Variants in FRAS1 observed in about 807,000 individuals in gnomAD.
The protein encoded by FRAS1 is extracellular matrix organizing protein FRAS1.
FRAS1 carries 290 observed loss-of-function variants against 435.2 expected under a neutral mutation model. That is an observed-to-expected ratio of 0.67 (90% confidence interval 0.61 to 0.73). FRAS1 has a LOEUF of 0.73. Ranked by LOEUF, FRAS1 falls within the 30% of genes least tolerant of loss-of-function variation. The probability of loss-of-function intolerance (pLI) is 0.00; values close to 1 mark genes in which losing one functional copy is unlikely to be tolerated. For missense variants in FRAS1, 4,860 were observed against 5,001.5 expected (o/e 0.97, Z 0.85); for synonymous variants, 1,800 against 1,851.0 (o/e 0.97, Z 0.71).
chr4:78,305,999 A>T (rs918426414), intron 14 of FRAS1, among the ~76,000 whole-genome samples: 2 of 151,860 alleles, frequency 1.3e-5, no homozygotes, highest in Non-Finnish European at 2.9e-5. Context: ...AGTGGCTGGT[A>T]CCGGTTGTTC....
At chr4:78,290,723 T>A (rs1310278668) in intron 14 of FRAS1, among the ~76,000 whole-genome samples, 1 of 151,462 alleles carries the variant, frequency 6.6e-6, no homozygotes, top group South Asian at 2.1e-4. Context: ...GTGCTGGGAT[T>A]ACAGGGGTGA....
intron 2 of FRAS1, among the ~76,000 whole-genome samples, chr4:78,160,132 T>G (rs1298193564): frequency 6.6e-6 from 1 of 152,218 alleles, no homozygotes; most frequent in Non-Finnish European, 1.5e-5. Flanking sequence ...AGTTTTTAAT[T>G]TACCCATAAG....
rs4975070 is a variant in FRAS1, at chr4:78,534,560, C to G, written c.11037C>G (p.Pro3679=). ...ATGAGAAGGTGTTCCTAATGGATCC[C>G]AATACATCTGATATGTCACTAGCAG... The part of the protein sequence containing the change: ...CNNEKVFLMD[P]NTSDMSLAEM... The change falls in exon 71 of 74, where the codon CCC becomes CCG. Residue 3679 remains proline (P), a synonymous_variant. Coordinates refer to ENST00000512123, the MANE Select transcript of FRAS1 (RefSeq NM_025074.7). The G allele has an allele frequency of 0.46, 732,420 of 1,608,114 alleles. 173,625 individuals are homozygous for G. Among genetic ancestry groups the G allele is most frequent in the East Asian group, 0.78 (35,129 of 44,824 alleles).
intron 38 of FRAS1, among the ~76,000 whole-genome samples, chr4:78,435,942 A>G (rs1192136342): frequency 6.6e-6 from 1 of 152,206 alleles, no homozygotes; most frequent in African/African-American, 2.4e-5. Context: ...TTTGTAGAAT[A>G]TAAGTTAATA....
chr4:78,129,883 T>C (rs987973626), intron 2 of FRAS1, among the ~76,000 whole-genome samples: 7 of 152,084 alleles, frequency 4.6e-5, no homozygotes, highest in African/African-American at 1.7e-4. Context: ...CACTTCCCAC[T>C]CTTTCCTCTC....
chr4:78,097,904 C>G (rs975161328), intron 2 of FRAS1, among the ~76,000 whole-genome samples: 7 of 139,706 alleles, frequency 5.0e-5, no homozygotes, highest in Non-Finnish European at 1.0e-4. Flanking sequence ...TAGCCACACA[C>G]AGAGGGAAGA....
Position 78,318,979 on chromosome 4 carries a change from A to G in FRAS1, c.2130A>G (p.Ile710Met). ...ATTTTTACTTGGAGAGCACTGGCAT[A>G]TGTGAAGGTAAGCATGATTTGAGAA... is the stretch of plus-strand genomic sequence containing the variant. ...RAHFYLESTG[I>M]CEACHQSCFR... Residue 710 changes from isoleucine to methionine, a missense_variant, in exon 18 of 74, where the codon ATA becomes ATG. Coordinates refer to ENST00000512123, the MANE Select transcript of FRAS1 (RefSeq NM_025074.7). 1 of 1,613,888 alleles carries G rather than the reference A, an allele frequency of 6.2e-7. No individual in the cohort carries two copies. The highest frequency in any genetic ancestry group is 8.5e-7 in the Non-Finnish European group (1 of 1,179,814).
intron 23 of FRAS1, among the ~76,000 whole-genome samples, chr4:78,370,247 C>T (rs551136836): frequency 6.6e-6 from 1 of 152,152 alleles, no homozygotes; most frequent in Non-Finnish European, 1.5e-5. Context: ...ATTGTAAATC[C>T]TCAGGTTATA....
chr4:78,323,686 A>G (rs372151646), intron 18 of FRAS1, among the ~76,000 whole-genome samples: 1 of 152,160 alleles, frequency 6.6e-6, no homozygotes, highest in East Asian at 1.9e-4. Flanking sequence ...AGTGACAACC[A>G]GTGTGGCAGT....
intron 61 of FRAS1, among the ~76,000 whole-genome samples, chr4:78,500,616 T>C (rs549698243): frequency 1.3e-5 from 2 of 152,310 alleles, no homozygotes; most frequent in African/African-American, 4.8e-5. Flanking sequence ...GCAACAGTGC[T>C]AGGAGAACTT....
At chr4:78,096,599 C>A (rs571697851) in intron 2 of FRAS1, among the ~76,000 whole-genome samples, 2 of 152,168 alleles carry the variant, frequency 1.3e-5, no homozygotes, top group Non-Finnish European at 1.5e-5. Flanking sequence ...TCTGTGCACC[C>A]GCAGGCTCAA....
chr4:78,505,849 A>T (rs536170940), intron 61 of FRAS1, among the ~76,000 whole-genome samples: 19 of 152,276 alleles, frequency 1.2e-4, no homozygotes, highest in African/African-American at 4.6e-4. Flanking sequence ...GTTCTGGTTT[A>T]TCCCCATCTT....
intron 2 of FRAS1, among the ~76,000 whole-genome samples, chr4:78,182,611 C>G (rs1479264465): frequency 6.6e-6 from 1 of 151,828 alleles, no homozygotes; most frequent in Admixed American, 6.6e-5. Context: ...GGCGCAGTGG[C>G]TCACACCTGT....
At chr4:78,116,928 A>G (rs960654535) in intron 2 of FRAS1, among the ~76,000 whole-genome samples, 4 of 152,202 alleles carry the variant, frequency 2.6e-5, no homozygotes, top group African/African-American at 4.8e-5. Context: ...CCTAGCCTTG[A>G]TGATCTTTAC....
In FRAS1 at chr4:78,451,362, G is replaced by C. The variant is rs146903360; in HGVS notation, c.6464-410G>C. On this transcript the variant is annotated intron_variant, in intron 45 of 73. Transcript: ENST00000512123. The stretch of plus-strand genomic sequence containing the variant: ...GTGAAGAGTTCTGGGAGAATGTGAG[G>C]TGCAGCTCTGTGTCTTCTTGCCCTT... Among the ~76,000 whole-genome samples, 224 of 152,334 alleles carry C rather than the reference G, an allele frequency of 1.5e-3. 2 individuals carry two copies. The highest frequency in any genetic ancestry group is 4.6e-3 in the Admixed American group (70 of 15,294).
At chr4:78,178,938 A>G (rs1397441191) in intron 2 of FRAS1, among the ~76,000 whole-genome samples, 1 of 152,078 alleles carries the variant, frequency 6.6e-6, no homozygotes, top group Non-Finnish European at 1.5e-5. Context: ...CCCCCTAACT[A>G]CCGCTGATGC....
At chr4:78,376,073 A>G (rs2110314040) in intron 26 of FRAS1, among the ~76,000 whole-genome samples, 194 bp downstream of exon 26, 1 of 152,350 alleles carries the variant, frequency 6.6e-6, no homozygotes, top group East Asian at 1.9e-4. Context: ...TTCTGTAATC[A>G]TTGGAAAGGA....
intron 61 of FRAS1, among the ~76,000 whole-genome samples, chr4:78,504,490 G>A (rs534047112): frequency 2.3e-4 from 35 of 152,158 alleles, no homozygotes; most frequent in East Asian, 5.8e-4. Flanking sequence ...TCTTTGTCTC[G>A]TTTGATCTTT....
chr4:78,246,203 T>C (rs10014848), intron 4 of FRAS1, among the ~76,000 whole-genome samples: 146,610 of 152,284 alleles, frequency 0.96, 70,795 homozygotes, highest in East Asian at 1. Context: ...CGGTTGAATA[T>C]GATGGAAAGA....
Sources: gnomAD v4.1 joint callset for allele counts (sites outside exome capture counted in the v4.1 genomes callset) on GRCh38, gnomAD v4.1.1 for gene constraint, MANE v1.5 for transcripts, NCBI Gene and HGNC (gene_info 2026-07-23, HGNC 2026-07-21) for gene names.